Variants in NRCAM observed in about 807,000 individuals in gnomAD.
NRCAM encodes neuronal cell adhesion molecule, also known as NgCAM-related cell adhesion molecule.
In NRCAM, 83 loss-of-function variants were observed where a neutral mutation model predicts 156.5. That is an observed-to-expected ratio of 0.53 (90% confidence interval 0.44 to 0.64). The LOEUF (loss-of-function observed/expected upper bound fraction) is 0.64. Ranked by LOEUF, NRCAM falls within the 30% of genes least tolerant of loss-of-function variation. The pLI is 0.00. For missense variants in NRCAM, 1,417 were observed against 1,597.3 expected, an observed-to-expected ratio of 0.89 and a Z score of 1.92; for synonymous variants, 538 against 563.9, an observed-to-expected ratio of 0.95 and a Z score of 0.65.
chr7:108,246,450 A>C (rs2095929188), intron 3 of NRCAM, among the ~76,000 whole-genome samples: 1 of 152,174 alleles, frequency 6.6e-6, no homozygotes, highest in Admixed American at 6.5e-5. Context: ...AGAGTGAGTC[A>C]GCGGTTTGGA....
At chr7:108,215,259 C>A (rs1209704737) in intron 11 of NRCAM, among the ~76,000 whole-genome samples, 1 of 146,962 alleles carries the variant, frequency 6.8e-6, no homozygotes, top group Non-Finnish European at 1.5e-5. Flanking sequence ...GTCACCCAGG[C>A]TGGAGTGCAG....
At chr7:108,333,216 G>A (rs2099144869) in intron 2 of NRCAM, among the ~76,000 whole-genome samples, 2 of 152,118 alleles carry the variant, frequency 1.3e-5, no homozygotes, top group Admixed American at 1.3e-4. Context: ...CATTACTGAA[G>A]TGTGTTCAAG....
At chr7:108,164,892 T>C (rs1487419745) in intron 30 of NRCAM, among the ~76,000 whole-genome samples, 2 of 152,202 alleles carry the variant, frequency 1.3e-5, no homozygotes, top group Non-Finnish European at 2.9e-5. Flanking sequence ...TCAAACTATC[T>C]GGCAGTTGCT....
Position 108,150,068 on chromosome 7 carries a change from C to T in NRCAM, c.3757G>A (p.Asp1253Asn), listed in dbSNP as rs745494193. 3.1e-6 allele frequency: 5 copies of T among 1,614,018 alleles called. No individual in the cohort carries two copies. Among genetic ancestry groups the T allele is most frequent in the East Asian group, 2.2e-5 (1 of 44,882 alleles). ...CCTTCTCCATAGTCAACTAGGCTGT[C>T]GTCACTATCTTCTTTTTTCACAGTC... is the stretch of plus-strand genomic sequence containing the variant. ...DRTVKKEDSD[D>N]SLVDYGEGVN... is the part of the protein sequence containing the mutation. The change falls in exon 33 of 33, where the codon GAC becomes AAC. Residue 1253 changes from aspartate to asparagine, a missense_variant. By Grantham distance (23) the Asp-to-Asn change is conservative (BLOSUM62 1). This residue lies in a region of NRCAM where 179 missense variants were observed against 260.9 expected (regional missense o/e 0.69). Coordinates refer to ENST00000379028, the MANE Select transcript of NRCAM (RefSeq NM_001037132.4).
chr7:108,152,480 G>A (rs111731727), intron 32 of NRCAM, among the ~76,000 whole-genome samples: 5 of 152,126 alleles, frequency 3.3e-5, no homozygotes, highest in African/African-American at 1.2e-4. Context: ...CTAAATCAGG[G>A]CTTGTGGAAC....
chr7:108,194,306 T>C lies in NRCAM; in HGVS notation c.1586A>G (p.Asn529Ser), dbSNP rs2073738976. 1.2e-6 allele frequency: 2 copies of C among 1,613,460 alleles called. No homozygotes were observed. Among genetic ancestry groups the C allele is most frequent in the South Asian group, 2.2e-5 (2 of 90,994 alleles). ...STGTYTCVAR[N>S]KLGMAKNEVH... ...TTCATTCTTCGCCATCCCTAATTTA[T>C]TCCTTGCAACACACGTATAAGTTCC... The change falls in exon 16 of 33, where the codon AAT (asparagine) becomes AGT (serine). Residue 529 changes from asparagine (N) to serine (S), a missense_variant. Transcript: ENST00000379028.
intron 3 of NRCAM, among the ~76,000 whole-genome samples, chr7:108,300,262 G>C (rs1469467651): frequency 7.2e-6 from 1 of 139,248 alleles, no homozygotes; most frequent in Non-Finnish European, 1.5e-5. Flanking sequence ...TTGATTATTC[G>C]CAATTGTTAT....
chr7:108,152,376 G>C (rs1271892734), intron 32 of NRCAM, among the ~76,000 whole-genome samples: 1 of 151,932 alleles, frequency 6.6e-6, no homozygotes, highest in Non-Finnish European at 1.5e-5. Flanking sequence ...GGGGAAGCCT[G>C]GCAGGTTCTA....
At chr7:108,259,430 T>G (rs1436498441) in intron 3 of NRCAM, among the ~76,000 whole-genome samples, 2 of 152,204 alleles carry the variant, frequency 1.3e-5, no homozygotes, top group Non-Finnish European at 2.9e-5. Context: ...TGCAAGACAG[T>G]GTGGTGGTTC....
chr7:108,429,535 G>C (rs1228118662), intron 1 of NRCAM, among the ~76,000 whole-genome samples: 3 of 152,150 alleles, frequency 2.0e-5, no homozygotes, highest in African/African-American at 7.2e-5. Context: ...ACAAAACAAA[G>C]ACTGGAATTC....
At chr7:108,405,341 G>A (rs78550840) in intron 1 of NRCAM, among the ~76,000 whole-genome samples, 2 of 152,122 alleles carry the variant, frequency 1.3e-5, no homozygotes, top group African/African-American at 2.4e-5. Context: ...ACATGTTTTC[G>A]GGTATGAAAA....
chr7:108,167,147 G>T, intron 29 of NRCAM, 74 bp from the exon 30 acceptor site: 1 of 1,156,782 alleles, frequency 8.6e-7, no homozygotes, highest in Admixed American at 2.3e-5. Context: ...TTCAAGAAAG[G>T]AAAATTCTTT....
chr7:108,298,473 G>A (rs985699704), intron 3 of NRCAM, among the ~76,000 whole-genome samples: 8 of 141,978 alleles, frequency 5.6e-5, no homozygotes, highest in South Asian at 2.3e-4. Flanking sequence ...GTGAAACCCC[G>A]TCTGTAATAA....
intron 28 of NRCAM, among the ~76,000 whole-genome samples, chr7:108,173,479 G>T (rs890614607): frequency 2.0e-5 from 3 of 152,154 alleles, no homozygotes; most frequent in Non-Finnish European, 4.4e-5. Flanking sequence ...GGGAAATAGT[G>T]AAGAGGATAG....
At chr7:108,293,447 G>A (rs573390983) in intron 3 of NRCAM, among the ~76,000 whole-genome samples, 1 of 152,102 alleles carries the variant, frequency 6.6e-6, no homozygotes, top group Non-Finnish European at 1.5e-5. Context: ...CATCAGAAGA[G>A]AATTGCAAAA....
At chr7:108,205,764 T>A (rs998599110) in intron 13 of NRCAM, among the ~76,000 whole-genome samples, 1 of 152,206 alleles carries the variant, frequency 6.6e-6, no homozygotes, top group Non-Finnish European at 1.5e-5. Flanking sequence ...TTTTGTTGAT[T>A]TTTTTGTAGA....
At chr7:108,414,973 G>A (rs1332760066) in intron 1 of NRCAM, among the ~76,000 whole-genome samples, 1 of 152,178 alleles carries the variant, frequency 6.6e-6, no homozygotes, top group Non-Finnish European at 1.5e-5. Context: ...GCAGAGGGCT[G>A]TGGAGGCAAG....
At chr7:108,412,535 A>G (rs909604999) in intron 1 of NRCAM, among the ~76,000 whole-genome samples, 1 of 152,174 alleles carries the variant, frequency 6.6e-6, no homozygotes. Flanking sequence ...ATTACCTCAC[A>G]TATTTATCAT....
chr7:108,327,613 G>A (rs1158185766), intron 2 of NRCAM, among the ~76,000 whole-genome samples: 1 of 152,120 alleles, frequency 6.6e-6, no homozygotes, highest in Non-Finnish European at 1.5e-5. Context: ...GAGGTTCAAA[G>A]AACTGAGAAG....
Sources: allele counts gnomAD v4.1 joint callset (sites outside exome capture counted in the v4.1 genomes callset), GRCh38; gene constraint gnomAD v4.1.1; regional missense constraint gnomAD v4.1.1; transcripts MANE v1.5; gene names NCBI Gene and HGNC (gene_info 2026-07-23, HGNC 2026-07-21).